Variants in KYAT1 observed in about 807,000 individuals in gnomAD.
The protein encoded by KYAT1 is kynurenine--oxoglutarate transaminase 1.
A neutral mutation model predicts 52.4 loss-of-function variants in KYAT1; 47 were observed. The observed-to-expected ratio is 0.90, with a 90% CI of 0.71 to 1.14. The LOEUF (loss-of-function observed/expected upper bound fraction) is 1.14, where lower values mean the gene tolerates loss of function less well. Among genes scored for constraint, KYAT1 ranks in the 50% most tolerant of loss-of-function variants. The probability of loss-of-function intolerance (pLI) is 0.00; values close to 1 mark genes in which losing one functional copy is unlikely to be tolerated. For missense variants in KYAT1, 480 were observed against 557.9 expected, an observed-to-expected ratio of 0.86 and a Z score of 1.41; for synonymous variants, 212 against 209.6, an observed-to-expected ratio of 1.01 and a Z score of -0.10.
At chr9:128,836,568 G>A (rs1831163409) in intron 7 of KYAT1, among the ~76,000 whole-genome samples, 1 of 152,034 alleles carries the variant, frequency 6.6e-6, no homozygotes, top group Admixed American at 6.6e-5. Context: ...CAAAGTGCTG[G>A]GATTACAGGT....
rs147774898 is a variant in KYAT1 at position 128,845,051 on chromosome 9, G to A, written c.53+302C>T. The stretch of plus-strand genomic sequence containing the variant: ...TTGGTGCCTGGGTAGAATGGCTTTG[G>A]ACAGCATTTTACTTTTTCCTCCCCA... On this transcript the variant is annotated intron_variant, in intron 2 of 12. Coordinates refer to ENST00000302586, the MANE Select transcript of KYAT1 (RefSeq NM_004059.5). Among the ~76,000 whole-genome samples the A allele has an allele frequency of 5.8e-4, 89 of 152,172 alleles. No homozygotes were observed. In the East Asian group the frequency reaches 0.013, roughly 22 times the overall value.
At chr9:128,857,235 C>T (rs975145853) in intron 1 of KYAT1, among the ~76,000 whole-genome samples, 21 of 152,172 alleles carry the variant, frequency 1.4e-4, no homozygotes, top group Non-Finnish European at 1.8e-4. Context: ...TATCACCCTG[C>T]TCTCCTACTG....
At position 128,833,288 on chromosome 9, in the gene KYAT1, G is replaced by A. The variant is rs946062839; in HGVS notation, c.*296C>T. 1.3e-5 allele frequency: 7 copies of A among 540,012 alleles called. No individual in the cohort carries two copies. Among genetic ancestry groups the A allele is most frequent in the African/African-American group, 9.5e-5 (5 of 52,654 alleles). 33.5% of individuals were successfully genotyped at this position (540,012 alleles called of 1,614,324 possible). On this transcript the variant is annotated 3_prime_UTR_variant, in exon 13 of 13. Transcript: ENST00000302586. ...GATCGGTACATGGTGGAAGTCTACCGTCCGTCTCAGCCAAGCCTGGAGAGA... is the reference window on the plus strand; with the variant it reads ...GATCGGTACATGGTGGAAGTCTACCATCCGTCTCAGCCAAGCCTGGAGAGA...
At chr9:128,877,417 G>A (rs745554064) in intron 1 of KYAT1, among the ~76,000 whole-genome samples, 8 of 152,140 alleles carry the variant, frequency 5.3e-5, no homozygotes, top group Non-Finnish European at 1.2e-4. Context: ...CCTCATCACA[G>A]CTGATTAGGA....
At chr9:128,837,945 G>T (rs1403234174) in intron 5 of KYAT1, 106 bp downstream of exon 5, 2 of 1,493,368 alleles carry the variant, frequency 1.3e-6, no homozygotes, top group Admixed American at 3.4e-5. Flanking sequence ...CCAGCTTAGA[G>T]GAACTGGCTT....
chr9:128,836,122 G>A (rs371630175), intron 7 of KYAT1, 49 bp from the exon 8 acceptor site: 51 of 1,566,648 alleles, frequency 3.3e-5, no homozygotes, highest in East Asian at 4.5e-5. Context: ...TGAGGGGGAC[G>A]GGGGAGGATG....
Position 128,833,369 on chromosome 9 carries a change from A to G in KYAT1, c.*215T>C, listed in dbSNP as rs1830445176. 2 of 617,798 alleles carry G rather than the reference A, an allele frequency of 3.2e-6. No individual in the cohort carries two copies. Among genetic ancestry groups the G allele is most frequent in the South Asian group, 1.9e-5 (1 of 52,254 alleles). The allele number at this position is 617,798 out of a possible 1,614,324, so 38.3% of individuals were successfully genotyped here. ...CCTATGGAGGGGCAGGGAGAGGCCCAGGTCAGGCCACCCTCACCTTTCAGA... is the reference window on the plus strand; with the variant it reads ...CCTATGGAGGGGCAGGGAGAGGCCCGGGTCAGGCCACCCTCACCTTTCAGA... On this transcript the variant is annotated 3_prime_UTR_variant, in exon 13 of 13. Transcript: ENST00000302586.
chr9:128,835,655 C>G lies in KYAT1; in HGVS notation c.868G>C (p.Glu290Gln). Residue 290 changes from glutamate (E) to glutamine (Q), a missense_variant, in exon 10 of 13, where the codon GAG becomes CAG. Transcript: ENST00000302586. ...AGCAGCTGCTCCCGTTCAAAGCTCT[C>G]GGCTACTGCAGCCTGGGCAGGGCAG... Reference protein sequence around the residue: ...CPTQSQAAVAESFEREQLLFR... With the variant: ...CPTQSQAAVAQSFEREQLLFR... 5 of 1,610,048 alleles carry G rather than the reference C, an allele frequency of 3.1e-6. No individual in the cohort carries two copies. The highest frequency in any genetic ancestry group is 4.2e-6 in the Non-Finnish European group (5 of 1,179,698).
chr9:128,853,623 C>G (rs924756793), intron 1 of KYAT1, among the ~76,000 whole-genome samples: 6 of 152,178 alleles, frequency 3.9e-5, no homozygotes, highest in African/African-American at 1.4e-4. Flanking sequence ...TTATATTACT[C>G]ATATTCGAAC....
chr9:128,842,616 C>T, intron 3 of KYAT1, 38 bp downstream of exon 3: 2 of 1,600,354 alleles, frequency 1.2e-6, no homozygotes, highest in Non-Finnish European at 8.5e-7. Context: ...CTGTCCCCTT[C>T]CTCCCCCAGT....
At chr9:128,844,794 G>T (rs1265825277) in intron 2 of KYAT1, among the ~76,000 whole-genome samples, 1 of 152,178 alleles carries the variant, frequency 6.6e-6, no homozygotes, top group Non-Finnish European at 1.5e-5. Flanking sequence ...AACCCAGGAG[G>T]CAGAGGTTGC....
At chr9:128,849,572 G>A (rs1287881759) in intron 1 of KYAT1, among the ~76,000 whole-genome samples, 2 of 151,580 alleles carry the variant, frequency 1.3e-5, no homozygotes, top group Non-Finnish European at 2.9e-5. Context: ...GAGGCAGGCT[G>A]ATCATGAGGT....
In KYAT1 at chr9:128,838,936, TTTTATTTATTTATTTA is replaced by T. The variant is rs71497421; in HGVS notation, c.202-585_202-570del. ...CTCCCAGCAGCTTTGCGGGAGAGGC[TTTTATTTATTTATTTA>T]TTTATTTATTTATTTATTTATTTAT... On this transcript the variant is annotated intron_variant, in intron 3 of 12. Coordinates refer to ENST00000302586, the MANE Select transcript of KYAT1 (RefSeq NM_004059.5). 2.4e-4 allele frequency among the ~76,000 whole-genome samples: 35 copies of T among 143,546 alleles called. 1 individual carries two copies. The highest frequency in any genetic ancestry group is 8.3e-4 in the East Asian group (4 of 4,842). 94.2% of individuals were successfully genotyped at this position (143,546 alleles called of 152,430 possible).
chr9:128,876,287 A>G (rs1445698079), intron 1 of KYAT1, among the ~76,000 whole-genome samples: 3 of 150,018 alleles, frequency 2.0e-5, no homozygotes, highest in Non-Finnish European at 4.4e-5. Context: ...GGGTCTCCCT[A>G]TGTTACCCAG....
intron 3 of KYAT1, chr9:128,842,322 G>A: frequency 4.5e-6 from 1 of 221,632 alleles, no homozygotes. Context: ...TCAGGACTTG[G>A]TTTAAGTGTC....
chr9:128,863,850 G>A (rs1588132629), intron 1 of KYAT1, among the ~76,000 whole-genome samples: 1 of 152,236 alleles, frequency 6.6e-6, no homozygotes, highest in South Asian at 2.1e-4. Context: ...CTTCACAGAG[G>A]AGGCCCAAAG....
chr9:128,840,488 T>A, intron 3 of KYAT1: 1 of 350,130 alleles, frequency 2.9e-6, no homozygotes, highest in Non-Finnish European at 5.4e-6. Context: ...TGACCTCAGG[T>A]GATCTGCCAG....
intron 1 of KYAT1, among the ~76,000 whole-genome samples, chr9:128,880,633 G>A (rs1414974787): frequency 2.0e-5 from 3 of 151,872 alleles, no homozygotes; most frequent in Non-Finnish European, 4.4e-5. Flanking sequence ...TAGTAGAGAC[G>A]GGGTTTCACC....
At chr9:128,842,091 C>A (rs1478470218) in intron 3 of KYAT1, 4 of 342,868 alleles carry the variant, frequency 1.2e-5, no homozygotes, top group African/African-American at 6.5e-5. Flanking sequence ...ACTCCAGAGG[C>A]TGAGGTGGGA....
Sources: allele counts gnomAD v4.1 joint callset (sites outside exome capture counted in the v4.1 genomes callset), GRCh38; gene constraint gnomAD v4.1.1; transcripts MANE v1.5; gene names NCBI Gene and HGNC (gene_info 2026-07-23, HGNC 2026-07-21).